The following WSCD2 variants were observed in gnomAD, a reference collection of about 807,000 sequenced individuals.
WSCD2 encodes sialate:O-sulfotransferase 2.
In WSCD2, 28 loss-of-function variants were observed where a neutral mutation model predicts 55.7. The observed-to-expected ratio is 0.50, with a 90% CI of 0.37 to 0.69. WSCD2 has a LOEUF of 0.69. Among genes scored for constraint, WSCD2 ranks in the 30% least tolerant of loss-of-function variants. The pLI is 0.00. For synonymous variants in WSCD2, 301 were observed against 301.9 expected (o/e 1.00, Z 0.03); for missense variants, 616 against 762.1 (o/e 0.81, Z 2.26).
intron 3 of WSCD2, among the ~76,000 whole-genome samples, chr12:108,207,806 A>G (rs950284736): frequency 2.6e-5 from 4 of 152,088 alleles, no homozygotes; most frequent in African/African-American, 9.7e-5. Flanking sequence ...GTCCTTGATA[A>G]TATGAAATCA....
At chr12:108,142,156 A>G (rs535961297) in intron 1 of WSCD2, among the ~76,000 whole-genome samples, 1 of 152,292 alleles carries the variant, frequency 6.6e-6, no homozygotes, top group African/African-American at 2.4e-5. Context: ...TTTTTTTATT[A>G]AAGGAGCTTT....
intron 4 of WSCD2, 63 bp from the exon 5 acceptor site, chr12:108,224,676 G>C: frequency 6.4e-7 from 1 of 1,561,554 alleles, no homozygotes; most frequent in Non-Finnish European, 8.6e-7. Flanking sequence ...TCAGAATGTG[G>C]TTTTCCCAAC....
intron 2 of WSCD2, 25 bp from the exon 3 acceptor site, chr12:108,206,264 C>CT (rs1428459629): frequency 6.2e-7 from 1 of 1,606,212 alleles, no homozygotes; most frequent in South Asian, 1.1e-5. Flanking sequence ...CCCCAGCCAC[C>CT]TTTGACGTTT....
intron 1 of WSCD2, among the ~76,000 whole-genome samples, chr12:108,183,309 C>T (rs1488913032): frequency 1.3e-5 from 2 of 152,198 alleles, no homozygotes; most frequent in Non-Finnish European, 2.9e-5. Context: ...TCTGCTGTTT[C>T]TCACTCATGA....
intron 4 of WSCD2, among the ~76,000 whole-genome samples, chr12:108,220,815 G>A (rs913156185): frequency 6.6e-6 from 1 of 152,248 alleles, no homozygotes. Context: ...TGGGCTTACA[G>A]GTGTGACTCA....
At chr12:108,166,723 T>C (rs1010643308) in intron 1 of WSCD2, among the ~76,000 whole-genome samples, 3 of 126,936 alleles carry the variant, frequency 2.4e-5, no homozygotes, top group Non-Finnish European at 5.1e-5. Context: ...TCCCTCCTTC[T>C]TTCTCTTTCT....
intron 4 of WSCD2, among the ~76,000 whole-genome samples, chr12:108,215,062 C>T (rs753572478): frequency 2.0e-5 from 3 of 152,214 alleles, no homozygotes; most frequent in African/African-American, 4.8e-5. Context: ...CTGGAGGCTT[C>T]TTCTACTTCC....
chr12:108,243,177 C>G (rs1391271024), intron 8 of WSCD2, among the ~76,000 whole-genome samples: 2 of 152,232 alleles, frequency 1.3e-5, no homozygotes, highest in Non-Finnish European at 2.9e-5. Flanking sequence ...AATGCTAAAA[C>G]CCACTGAATC....
chr12:108,129,364 A>C lies in WSCD2; in HGVS notation c.-1114A>C, dbSNP rs1030049251. On this transcript the variant is annotated 5_prime_UTR_variant, in exon 1 of 9. Transcript: ENST00000547525. Reference sequence around the variant, plus strand: ...AGACGTGAAGTCCAGGGGAGCGAGCAAGGCAGCCAAGGAGGCAGCGGCGAG... The same window carrying C: ...AGACGTGAAGTCCAGGGGAGCGAGCCAGGCAGCCAAGGAGGCAGCGGCGAG... The C allele has an allele frequency of 3.3e-5, 5 of 152,358 alleles. No homozygotes were observed. The highest frequency in any genetic ancestry group is 1.2e-4 in the African/African-American group (5 of 41,400). 9.4% of individuals were successfully genotyped at this position (152,358 alleles called of 1,614,324 possible).
chr12:108,159,073 G>A (rs1276655456), intron 1 of WSCD2, among the ~76,000 whole-genome samples: 1 of 152,168 alleles, frequency 6.6e-6, no homozygotes, highest in Non-Finnish European at 1.5e-5. Context: ...AGCTCCCTGT[G>A]CTCCAGCCAT....
At chr12:108,238,269 G>A (rs552036414) in intron 7 of WSCD2, among the ~76,000 whole-genome samples, 7 of 152,216 alleles carry the variant, frequency 4.6e-5, no homozygotes, top group South Asian at 2.1e-4. Context: ...TCATGGGCAC[G>A]GGCCAGTGCT....
At chr12:108,238,689 G>A (rs1181868958) in intron 7 of WSCD2, among the ~76,000 whole-genome samples, 2 of 152,214 alleles carry the variant, frequency 1.3e-5, no homozygotes, top group African/African-American at 4.8e-5. Flanking sequence ...CCAGAGAGGT[G>A]ACATGATATC....
chr12:108,200,160 G>T (rs1338238686), intron 2 of WSCD2, among the ~76,000 whole-genome samples: 1 of 152,164 alleles, frequency 6.6e-6, no homozygotes, highest in Non-Finnish European at 1.5e-5. Flanking sequence ...CATTTTTTTG[G>T]AAGGATAGCA....
At position 108,195,562 on chromosome 12, in the gene WSCD2, G is replaced by T; in HGVS notation, c.-271G>T. The T allele has an allele frequency of 2.0e-6, 1 of 491,664 alleles. No homozygotes were observed. Among genetic ancestry groups the T allele is most frequent in the Non-Finnish European group, 3.6e-6 (1 of 278,418 alleles). The allele number at this position is 491,664 out of a possible 1,614,324, so 30.5% of individuals were successfully genotyped here. On this transcript the variant is annotated 5_prime_UTR_variant, in exon 2 of 9. It removes an upstream start codon present in the reference 5' UTR. Transcript: ENST00000547525. ...ATGTAGGAAAATGGGACCAACTTAT[G>T]TGTGTTCTGAGCCTCAAAACCCCCT...
At chr12:108,196,392 G>A (rs1883931037) in intron 2 of WSCD2, 178 bp downstream of exon 2, 2 of 1,080,548 alleles carry the variant, frequency 1.9e-6, no homozygotes, top group South Asian at 1.9e-5. Flanking sequence ...TTGAAGCTCA[G>A]AGAGATGAAG....
intron 7 of WSCD2, 64 bp downstream of exon 7, chr12:108,232,959 A>C (rs1215804159): frequency 1.5e-5 from 24 of 1,578,676 alleles, no homozygotes; most frequent in Non-Finnish European, 2.0e-5. Flanking sequence ...CCCCACTTGG[A>C]GGGTATGGGA....
At chr12:108,242,917 G>A (rs1198973297) in intron 8 of WSCD2, among the ~76,000 whole-genome samples, 1 of 152,186 alleles carries the variant, frequency 6.6e-6, no homozygotes, top group African/African-American at 2.4e-5. Context: ...ATCTCATATT[G>A]GGGGCCTGGG....
chr12:108,230,369 T>C (rs868799447), intron 6 of WSCD2, among the ~76,000 whole-genome samples: 11 of 152,208 alleles, frequency 7.2e-5, no homozygotes, highest in Admixed American at 3.9e-4. Flanking sequence ...AGAAGAAAGC[T>C]GAACCTCCAG....
intron 7 of WSCD2, 80 bp downstream of exon 7, chr12:108,232,975 C>T: frequency 1.9e-6 from 3 of 1,544,140 alleles, no homozygotes; most frequent in Non-Finnish European, 2.6e-6. Flanking sequence ...TGGGAATACT[C>T]CTCCTTGAGT....
Sources: gnomAD v4.1 joint callset for allele counts (sites outside exome capture counted in the v4.1 genomes callset) on GRCh38, gnomAD v4.1.1 for gene constraint, MANE v1.5 for transcripts, NCBI Gene and HGNC (gene_info 2026-07-23, HGNC 2026-07-21) for gene names.